Variants in GABRA2 observed in about 807,000 individuals in gnomAD.
GABRA2 encodes the protein gamma-aminobutyric acid receptor subunit alpha-2.
In GABRA2, 16 loss-of-function variants were observed where a neutral mutation model predicts 48.7. The observed-to-expected ratio is 0.33, with a 90% CI of 0.22 to 0.50. The LOEUF is 0.50. Ranked by LOEUF, GABRA2 falls within the 20% of genes least tolerant of loss-of-function variation. The pLI, the probability that GABRA2 is intolerant of heterozygous loss-of-function variation, is 0.98. For missense variants in GABRA2, 275 were observed against 535.6 expected (o/e 0.51, Z 4.80); for synonymous variants, 185 against 184.5 (o/e 1.00, Z -0.02).
At chr4:46,377,396 G>A (rs1345655154) in intron 3 of GABRA2, among the ~76,000 whole-genome samples, 15 of 151,450 alleles carry the variant, frequency 9.9e-5, no homozygotes, top group Admixed American at 2.0e-4. Flanking sequence ...CGCCCCGTCC[G>A]GGATGTGAGG....
intron 8 of GABRA2, among the ~76,000 whole-genome samples, chr4:46,270,112 T>C (rs1386189048): frequency 6.6e-6 from 1 of 152,028 alleles, no homozygotes; most frequent in Non-Finnish European, 1.5e-5. Flanking sequence ...TTTTGGTCTA[T>C]TCATTCTAGG....
intron 3 of GABRA2, among the ~76,000 whole-genome samples, chr4:46,352,717 G>T (rs575991953): frequency 6.6e-6 from 1 of 152,040 alleles, no homozygotes; most frequent in Non-Finnish European, 1.5e-5. Flanking sequence ...TAGAGTACTT[G>T]TCTCTATATA....
At chr4:46,294,606 G>C (rs983719980) in intron 8 of GABRA2, among the ~76,000 whole-genome samples, 2 of 152,208 alleles carry the variant, frequency 1.3e-5, no homozygotes, top group African/African-American at 4.8e-5. Flanking sequence ...ATATGACCTA[G>C]CAGATCCAAT....
chr4:46,300,480 TC>T (rs1725546235), intron 8 of GABRA2, among the ~76,000 whole-genome samples: 1 of 152,012 alleles, frequency 6.6e-6, no homozygotes, highest in South Asian at 2.1e-4. Flanking sequence ...ACCTAATTTT[TC>T]TTGGAGACAA....
At chr4:46,324,475 A>G (rs1207748407) in intron 4 of GABRA2, among the ~76,000 whole-genome samples, 3 of 152,016 alleles carry the variant, frequency 2.0e-5, no homozygotes, top group Non-Finnish European at 4.4e-5. Context: ...TCAAAACTTG[A>G]AACCTAGGAA....
intron 5 of GABRA2, among the ~76,000 whole-genome samples, chr4:46,311,867 G>T (rs553182721): frequency 6.6e-6 from 1 of 152,320 alleles, no homozygotes; most frequent in South Asian, 2.1e-4. Context: ...GGGATGCCGA[G>T]GTGGGTGGAT....
chr4:46,370,913 C>G (rs10024869), intron 3 of GABRA2, among the ~76,000 whole-genome samples: 34,480 of 151,948 alleles, frequency 0.23, 4,135 homozygotes, highest in Non-Finnish European at 0.26. Context: ...ACACACAACA[C>G]ACACACACAA....
chr4:46,335,532 G>A (rs1732076353), intron 3 of GABRA2, among the ~76,000 whole-genome samples: 1 of 152,082 alleles, frequency 6.6e-6, no homozygotes, highest in Non-Finnish European at 1.5e-5. Flanking sequence ...GGAGTGCAGT[G>A]GTGCGATCTC....
At chr4:46,321,449 T>C (rs1729435457) in intron 4 of GABRA2, among the ~76,000 whole-genome samples, 1 of 152,048 alleles carries the variant, frequency 6.6e-6, no homozygotes, top group Admixed American at 6.6e-5. Context: ...ATAAGTGCAC[T>C]AAAATATAAT....
intron 1 of GABRA2, chr4:46,389,289 A>C: frequency 1.0e-6 from 1 of 985,410 alleles, no homozygotes; most frequent in Non-Finnish European, 1.2e-6. Context: ...AAATAAAATA[A>C]ATAATTTCCC....
chr4:46,273,062 A>T (rs1298301357), intron 8 of GABRA2, among the ~76,000 whole-genome samples: 1 of 84,974 alleles, frequency 1.2e-5, no homozygotes, highest in Non-Finnish European at 2.3e-5. Flanking sequence ...CACCCCTGAC[A>T]GAAATTTAAA....
At chr4:46,330,694 GA>G (rs1367694602) in intron 4 of GABRA2, among the ~76,000 whole-genome samples, 4 of 150,946 alleles carry the variant, frequency 2.6e-5, no homozygotes, top group Non-Finnish European at 4.4e-5. Context: ...TTTACAACAT[GA>G]AAAAACTACA....
chr4:46,389,315 G>C, intron 1 of GABRA2: 1 of 985,334 alleles, frequency 1.0e-6, no homozygotes, highest in Non-Finnish European at 1.2e-6. Flanking sequence ...GCCCACCCAC[G>C]GTTGCCCAAG....
At chr4:46,326,507 T>C (rs1730401651) in intron 4 of GABRA2, among the ~76,000 whole-genome samples, 1 of 151,720 alleles carries the variant, frequency 6.6e-6, no homozygotes. Flanking sequence ...CCTTTTTTTT[T>C]TTTTTTTGGA....
chr4:46,254,822 A>G (rs1298972033), intron 9 of GABRA2, among the ~76,000 whole-genome samples: 1 of 151,554 alleles, frequency 6.6e-6, no homozygotes, highest in Non-Finnish European at 1.5e-5. Flanking sequence ...AAAAATGTCC[A>G]GAAGTGCACT....
At chr4:46,347,359 TA>T (rs1734316344) in intron 3 of GABRA2, among the ~76,000 whole-genome samples, 1 of 151,914 alleles carries the variant, frequency 6.6e-6, no homozygotes, top group African/African-American at 2.4e-5. Context: ...AAAGTTATAG[TA>T]ATCAAAACAG....
At position 46,315,964 on chromosome 4, in the gene GABRA2, C is replaced by CAT. The variant is rs1553913095; in HGVS notation, c.256-3250_256-3249dup. On this transcript the variant is annotated intron_variant, in intron 4 of 9. Transcript: ENST00000381620. ...ATATACACACACACACACACACACA[C>CAT]ATATATATATAGTGTGTCACATTTT... Among the ~76,000 whole-genome samples, 386 of 150,594 alleles carry CAT rather than the reference C, an allele frequency of 2.6e-3. 1 individual carries two copies. Among genetic ancestry groups the CAT allele is most frequent in the African/African-American group, 8.4e-3 (348 of 41,224 alleles).
chr4:46,285,887 T>A (rs985295578), intron 8 of GABRA2, among the ~76,000 whole-genome samples: 8 of 152,108 alleles, frequency 5.3e-5, no homozygotes, highest in Non-Finnish European at 1.0e-4. Flanking sequence ...TTCTTCTTAC[T>A]CCTGGGATGC....
At chr4:46,266,651 T>G (rs1038479020) in intron 8 of GABRA2, among the ~76,000 whole-genome samples, 2 of 151,410 alleles carry the variant, frequency 1.3e-5, no homozygotes, top group African/African-American at 4.8e-5. Flanking sequence ...TTGAGCTTCT[T>G]GGATGTGCTG....
Sources: allele counts gnomAD v4.1 joint callset (sites outside exome capture counted in the v4.1 genomes callset), GRCh38; gene constraint gnomAD v4.1.1; transcripts MANE v1.5; gene names NCBI Gene and HGNC (gene_info 2026-07-23, HGNC 2026-07-21).